The following SORCS1 variants were observed in gnomAD, a reference collection of about 807,000 sequenced individuals.
SORCS1 encodes VPS10 domain-containing receptor SorCS1.
In SORCS1, 60 loss-of-function variants were observed where a neutral mutation model predicts 146.1. The ratio of observed to expected loss-of-function variants is 0.41; its 90% CI spans 0.33 to 0.51. The LOEUF (loss-of-function observed/expected upper bound fraction) is 0.51, where lower values mean the gene tolerates loss of function less well. Among genes scored for constraint, SORCS1 ranks in the 20% least tolerant of loss-of-function variants. SORCS1 has a pLI of 0.21. For synonymous variants in SORCS1, 637 were observed against 584.0 expected, an observed-to-expected ratio of 1.09 and a Z score of -1.31; for missense variants, 1,352 against 1,487.6, an observed-to-expected ratio of 0.91 and a Z score of 1.50.
chr10:106,573,735 G>A lies in SORCS1; in HGVS notation c.*3685C>T, dbSNP rs1844467625. 1 of 152,248 alleles carries A rather than the reference G, an allele frequency of 6.6e-6. No homozygotes were observed. The highest frequency in any genetic ancestry group is 1.5e-5 in the Non-Finnish European group (1 of 68,020). 9.4% of individuals were successfully genotyped at this position (152,248 alleles called of 1,614,324 possible). A position where few individuals can be genotyped will look rare whatever the true frequency, so the allele number is the denominator to read the frequency against. On this transcript the variant is annotated 3_prime_UTR_variant, in exon 26 of 26. Transcript: ENST00000263054. ...TTGAAATGCAGGTAGAATTCAGGTAGTACATACATTCTGCCTTGTTAGTAA... is the reference window on the plus strand; with the variant it reads ...TTGAAATGCAGGTAGAATTCAGGTAATACATACATTCTGCCTTGTTAGTAA...
chr10:107,167,121 A>G (rs1043727210), upstream of SORCS1, among the ~76,000 whole-genome samples: 1 of 152,364 alleles, frequency 6.6e-6, no homozygotes, highest in African/African-American at 2.4e-5. Context: ...CAGAAGTTAC[A>G]CAAGTGTGGA....
intron 2 of SORCS1, among the ~76,000 whole-genome samples, chr10:106,924,749 C>A (rs1470108083): frequency 8.1e-6 from 1 of 122,848 alleles, no homozygotes; most frequent in Non-Finnish European, 1.7e-5. Flanking sequence ...TCAATTTTTA[C>A]ATTTAACTGC....
At chr10:106,849,771 A>T (rs954633307) in intron 2 of SORCS1, among the ~76,000 whole-genome samples, 13 of 151,378 alleles carry the variant, frequency 8.6e-5, no homozygotes, top group Admixed American at 3.3e-4. Context: ...TTCGGTGTGG[A>T]TGTCCTTTCT....
At chr10:106,774,305 C>T (rs1430769432) in intron 4 of SORCS1, among the ~76,000 whole-genome samples, 1 of 152,080 alleles carries the variant, frequency 6.6e-6, no homozygotes, top group African/African-American at 2.4e-5. Context: ...AAATCTATAG[C>T]CCTAAACATA....
At chr10:107,112,801 G>A (rs1458083086) in intron 1 of SORCS1, among the ~76,000 whole-genome samples, 1 of 152,178 alleles carries the variant, frequency 6.6e-6, no homozygotes, top group Non-Finnish European at 1.5e-5. Flanking sequence ...GTAGCTACAT[G>A]ATGATAACAA....
Position 106,679,789 on chromosome 10 carries a change from A to G in SORCS1, c.1561-55T>C. The G allele has an allele frequency of 2.9e-6, 4 of 1,378,276 alleles. No individual in the cohort carries two copies. The South Asian group carries it at 5.0e-5, about 17-fold the overall frequency. The allele number at this position is 1,378,276 out of a possible 1,614,324, so 85.4% of individuals were successfully genotyped here. A position where few individuals can be genotyped will look rare whatever the true frequency, so the allele number is the denominator to read the frequency against. Reference sequence around the variant, plus strand: ...ATCACATAATCAAAATGGTCATTTGAAGCTCAGAATCAGATCATCCATCCA... The same window carrying G: ...ATCACATAATCAAAATGGTCATTTGGAGCTCAGAATCAGATCATCCATCCA... On this transcript the variant is annotated intron_variant, in intron 10 of 25. Transcript: ENST00000263054.
At chr10:106,711,199 G>A (rs1186097135) in intron 6 of SORCS1, among the ~76,000 whole-genome samples, 1 of 152,130 alleles carries the variant, frequency 6.6e-6, no homozygotes. Context: ...GTTGGAACAT[G>A]CCACTTATTG....
At chr10:106,762,419 G>T (rs1419176433) in intron 4 of SORCS1, among the ~76,000 whole-genome samples, 1 of 110,252 alleles carries the variant, frequency 9.1e-6, no homozygotes, top group East Asian at 3.1e-4. Flanking sequence ...TTGAGACAGA[G>T]TCTTGCTCTG....
intron 1 of SORCS1, among the ~76,000 whole-genome samples, chr10:107,082,420 T>C (rs1963398326): frequency 6.6e-6 from 1 of 152,298 alleles, no homozygotes; most frequent in East Asian, 1.9e-4. Flanking sequence ...TGAAGACTTT[T>C]GTTTTATTTT....
intron 4 of SORCS1, among the ~76,000 whole-genome samples, chr10:106,768,570 T>C (rs1010726229): frequency 6.6e-6 from 1 of 152,246 alleles, no homozygotes; most frequent in Non-Finnish European, 1.5e-5. Flanking sequence ...TTAATGGTTT[T>C]CTATTGTTAT....
intron 3 of SORCS1, among the ~76,000 whole-genome samples, chr10:106,785,473 G>A (rs1042403688): frequency 1.3e-5 from 2 of 152,034 alleles, no homozygotes; most frequent in African/African-American, 4.8e-5. Flanking sequence ...TTGTTTACCT[G>A]TTCTCTTATT....
In SORCS1 at chr10:107,164,606, G is replaced by A. The variant is rs1266668774; in HGVS notation, c.-80C>T. 8 of 1,194,042 alleles carry A rather than the reference G, an allele frequency of 6.7e-6. No individual in the cohort carries two copies. Among genetic ancestry groups the A allele is most frequent in the African/African-American group, 3.2e-5 (2 of 62,330 alleles). The allele number at this position is 1,194,042 out of a possible 1,614,324, so 74.0% of individuals were successfully genotyped here. ...AGCTCTGCGCTGGCGGCTGTGGGGG[G>A]CCGGCGCTCAGGACCCCAACTCCAT... On this transcript the variant is annotated 5_prime_UTR_variant, in exon 1 of 26. Coordinates refer to ENST00000263054, the MANE Select transcript of SORCS1 (RefSeq NM_052918.5). This position sits in a 1 kb window ranked among gnomAD's most constrained non-coding sequence, Gnocchi z 6.8.
At chr10:106,902,914 T>TA (rs1951769748) in intron 2 of SORCS1, among the ~76,000 whole-genome samples, 1 of 152,038 alleles carries the variant, frequency 6.6e-6, no homozygotes, top group Admixed American at 6.6e-5. Context: ...GTGCCTCTAC[T>TA]AAAAATACAA....
intron 5 of SORCS1, among the ~76,000 whole-genome samples, chr10:106,742,674 C>T (rs1292273108): frequency 6.6e-6 from 1 of 152,196 alleles, no homozygotes; most frequent in Admixed American, 6.5e-5. Context: ...GTCACCACGC[C>T]TGGCCAATTT....
the SORCS1 span, among the ~76,000 whole-genome samples, chr10:107,175,432 A>ATTTCTTTCTTTC: frequency 3.6e-4 from 54 of 151,700 alleles, no homozygotes; most frequent in Middle Eastern, 3.4e-3. Flanking sequence ...ACCTATTTAG[A>ATTTCTTTCTTTC]TTTCTTTCTT....
intron 1 of SORCS1, among the ~76,000 whole-genome samples, chr10:107,116,480 A>G (rs1483301274): frequency 1.3e-5 from 2 of 152,170 alleles, no homozygotes; most frequent in African/African-American, 4.8e-5. Flanking sequence ...AAGCAATGGA[A>G]CATTATACAG....
At chr10:107,027,025 TATATATATAAAA>T (rs1589963024) in intron 1 of SORCS1, among the ~76,000 whole-genome samples, 2 of 121,066 alleles carry the variant, frequency 1.7e-5, no homozygotes, top group East Asian at 2.2e-4. Flanking sequence ...TATGTGTATA[TATATATATAAAA>T]ATATATATAT....
intron 5 of SORCS1, among the ~76,000 whole-genome samples, chr10:106,744,613 C>A (rs1197129953): frequency 6.6e-6 from 1 of 152,106 alleles, no homozygotes. Flanking sequence ...CCATATTTTT[C>A]ATGTATTTTT....
intron 2 of SORCS1, among the ~76,000 whole-genome samples, chr10:106,918,223 C>T (rs563919909): frequency 1.3e-5 from 2 of 152,164 alleles, no homozygotes; most frequent in Admixed American, 6.5e-5. Context: ...TGCAGTGGTG[C>T]GATTTCAGCT....
Sources: gnomAD v4.1 joint callset for allele counts (sites outside exome capture counted in the v4.1 genomes callset) on GRCh38, gnomAD v4.1.1 for gene constraint, Gnocchi (gnomAD v3.1) non-coding constraint, MANE v1.5 for transcripts, NCBI Gene and HGNC (gene_info 2026-07-23, HGNC 2026-07-21) for gene names.